Variants in ACOT11 observed in about 807,000 individuals in gnomAD.
The protein encoded by ACOT11 is acyl-CoA thioesterase 11.
In ACOT11, 69 loss-of-function variants were observed where a neutral mutation model predicts 77.5. The ratio of observed to expected loss-of-function variants is 0.89; its 90% CI spans 0.73 to 1.09. The LOEUF (loss-of-function observed/expected upper bound fraction) is 1.09, where lower values mean the gene tolerates loss of function less well. Among genes scored for constraint, ACOT11 ranks in the 50% least tolerant of loss-of-function variants. The probability of loss-of-function intolerance (pLI) is 0.00; values close to 1 mark genes in which losing one functional copy is unlikely to be tolerated. For synonymous variants in ACOT11, 279 were observed against 313.0 expected (o/e 0.89, Z 1.15); for missense variants, 766 against 813.7 (o/e 0.94, Z 0.71).
intron 16 of ACOT11, among the ~76,000 whole-genome samples, chr1:54,633,818 A>T (rs1557679886): frequency 6.6e-6 from 1 of 152,234 alleles, no homozygotes; most frequent in African/African-American, 2.4e-5. Flanking sequence ...TCCTAGTCTC[A>T]CTAGCCCTCG....
Position 54,619,933 on chromosome 1 carries a change from G to A in ACOT11, c.1630-10801G>A, listed in dbSNP as rs143150804. On this transcript the variant is annotated intron_variant, in intron 15 of 16. Coordinates refer to the ACOT11 transcript ENST00000371316. ...TACCAGGTGACCTCCAAGGCATCTC[G>A]CCGGCTGATCTGGCCCAGGCTCAGC... is the stretch of plus-strand genomic sequence containing the variant. 46 of 1,613,998 alleles carry A rather than the reference G, an allele frequency of 2.9e-5. No individual in the cohort carries two copies. In the East Asian group the frequency reaches 2.9e-4, roughly 10 times the overall value.
chr1:54,597,487 A>C (rs1643902630), intron 7 of ACOT11, 72 bp downstream of exon 7: 1 of 1,494,890 alleles, frequency 6.7e-7, no homozygotes, highest in Non-Finnish European at 8.9e-7. Context: ...CTCCCTCTGG[A>C]GGGGAAACCC....
chr1:54,625,637 A>G (rs1644267232), intron 15 of ACOT11, among the ~76,000 whole-genome samples: 1 of 152,186 alleles, frequency 6.6e-6, no homozygotes, highest in Non-Finnish European at 1.5e-5. Context: ...TTGGCCATAA[A>G]AAAGAAAAGA....
chr1:54,638,931 T>A (rs528182713), exon 17 of ACOT11: 1 of 152,254 alleles, frequency 6.6e-6, no homozygotes, highest in East Asian at 1.9e-4. Context: ...TGGTGCATGC[T>A]TGTAATTTTA....
chr1:54,565,104 C>T (rs1290696202), intron 1 of ACOT11, among the ~76,000 whole-genome samples: 3 of 152,252 alleles, frequency 2.0e-5, no homozygotes, highest in African/African-American at 7.2e-5. Flanking sequence ...TTTACTTGGT[C>T]CCCACCCTCC....
In ACOT11 at chr1:54,607,435, G is replaced by GCT. The variant is rs1644040854; in HGVS notation, c.1502+170_1502+171insCT. Among the ~76,000 whole-genome samples, 1 of 152,082 alleles carries GCT rather than the reference G, an allele frequency of 6.6e-6. No individual in the cohort carries two copies. The highest frequency in any genetic ancestry group is 2.4e-5 in the African/African-American group (1 of 41,382). On this transcript the variant is annotated intron_variant, in intron 14 of 15. Coordinates refer to ENST00000343744, the MANE Select transcript of ACOT11 (RefSeq NM_147161.4). The surrounding 1 kb of genome is among the most constrained non-coding windows in gnomAD (Gnocchi z 4.5). ...TCTGGGCTGCTGTGGCTTTACTATG[G>GCT]GTAAAATGAGGGATAGGGGCACACA... is the stretch of plus-strand genomic sequence containing the variant.
At chr1:54,619,783 C>G in intron 15 of ACOT11, 2 of 1,433,770 alleles carry the variant, frequency 1.4e-6, no homozygotes, top group South Asian at 1.2e-5. Context: ...CCACAGTGAC[C>G]AGTGTCTGAT....
intron 12 of ACOT11, 85 bp downstream of exon 12, chr1:54,604,514 C>G (rs1312190258): frequency 1.6e-6 from 2 of 1,236,100 alleles, no homozygotes; most frequent in East Asian, 2.4e-5. Flanking sequence ...TCCCACACCA[C>G]TTATGTCAAA....
chr1:54,560,974 C>T (rs971072669), intron 1 of ACOT11, among the ~76,000 whole-genome samples: 1 of 151,952 alleles, frequency 6.6e-6, no homozygotes, highest in Non-Finnish European at 1.5e-5. Flanking sequence ...CTGCCCACCT[C>T]GGCCTCCCAA....
In ACOT11 at chr1:54,594,697, C is replaced by T. The variant is rs1654834607; in HGVS notation, c.607+6C>T. On this transcript the variant is annotated splice_donor_region_variant and intron_variant, in intron 6 of 15. Transcript: ENST00000343744. ...CAACTGCGCCATTCAGGGCGGTGAGCAGCTGCCAGCTGTGCATGGGGAGGG... is the reference window on the plus strand; with the variant it reads ...CAACTGCGCCATTCAGGGCGGTGAGTAGCTGCCAGCTGTGCATGGGGAGGG... The T allele has an allele frequency of 1.9e-6, 3 of 1,605,028 alleles. No homozygotes were observed. The highest frequency in any genetic ancestry group is 2.6e-6 in the Non-Finnish European group (3 of 1,173,876).
At chr1:54,598,468 G>A (rs1361707485) in intron 7 of ACOT11, 2 of 152,296 alleles carry the variant, frequency 1.3e-5, no homozygotes, top group Non-Finnish European at 2.9e-5. Context: ...CTGTGCCTCT[G>A]GGCAGAACTG....
At chr1:54,623,642 T>A (rs1479748941) in intron 15 of ACOT11, 11 of 443,706 alleles carry the variant, frequency 2.5e-5, no homozygotes, top group Non-Finnish European at 4.4e-5. Context: ...ATATCTACCA[T>A]ATCTAAAATG....
chr1:54,566,914 C>T (rs1433363136), intron 1 of ACOT11, among the ~76,000 whole-genome samples: 3 of 152,158 alleles, frequency 2.0e-5, no homozygotes, highest in Admixed American at 6.5e-5. Context: ...ATGATCTAGT[C>T]TCAGAGTCAC....
chr1:54,625,633 A>G lies in ACOT11; in HGVS notation c.1630-5101A>G, dbSNP rs796131686. On this transcript the variant is annotated intron_variant, in intron 15 of 16. Transcript: ENST00000371316. ...GGAAATTTCTGTTTAAGAGTTGGCCATAAAAAAGAAAAGAAAATGCTGAGC... is the reference window on the plus strand; with the variant it reads ...GGAAATTTCTGTTTAAGAGTTGGCCGTAAAAAAGAAAAGAAAATGCTGAGC... Among the ~76,000 whole-genome samples, 8 of 152,326 alleles carry G rather than the reference A, an allele frequency of 5.3e-5. No homozygotes were observed. In the East Asian group the frequency reaches 9.7e-4, roughly 18 times the overall value.
chr1:54,575,741 T>C (rs555009), intron 1 of ACOT11, among the ~76,000 whole-genome samples: 18,152 of 152,116 alleles, frequency 0.12, 2,592 homozygotes, highest in African/African-American at 0.34. Context: ...ACTGCAGAAG[T>C]GAGGTACACG....
intron 10 of ACOT11, among the ~76,000 whole-genome samples, chr1:54,603,017 A>G (rs748025395): frequency 6.6e-6 from 1 of 152,210 alleles, no homozygotes; most frequent in Admixed American, 6.5e-5. Flanking sequence ...TGTTCTTGCC[A>G]TTGATTCTGA....
At chr1:54,592,026 C>T (rs893636461) in intron 3 of ACOT11, among the ~76,000 whole-genome samples, 49 of 148,374 alleles carry the variant, frequency 3.3e-4, no homozygotes, top group African/African-American at 1.2e-3. Context: ...TTAATTCAGT[C>T]AGCTACCCTT....
Position 54,623,540 on chromosome 1 carries a change from T to G in ACOT11, c.1630-7194T>G, listed in dbSNP as rs539270448. The G allele has an allele frequency of 1.0e-5, 7 of 674,954 alleles. No homozygotes were observed. The African/African-American group carries it at 1.2e-4, about 12-fold the overall frequency. 41.8% of individuals were successfully genotyped at this position (674,954 alleles called of 1,614,324 possible). A position where few individuals can be genotyped will look rare whatever the true frequency, so the allele number is the denominator to read the frequency against. ...TGGTCTGCTCTGCAGCCCTGTAATA[T>G]CCCCTCTGGAGATAACCCCTGAAGC... is the stretch of plus-strand genomic sequence containing the variant. On this transcript the variant is annotated intron_variant, in intron 15 of 16. Coordinates refer to the ACOT11 transcript ENST00000371316.
Position 54,607,866 on chromosome 1 carries a change from C to G in ACOT11, c.1503-76C>G. On this transcript the variant is annotated intron_variant, in intron 14 of 15. Coordinates refer to ENST00000343744, the MANE Select transcript of ACOT11 (RefSeq NM_147161.4). The surrounding 1 kb of genome is among the most constrained non-coding windows in gnomAD (Gnocchi z 4.5). ...TGTGCTAGAGGGGGCAGGGTCTCGG[C>G]CTTGGTTGGGCAGAACAGGCCCCCA... 2 of 1,584,204 alleles carry G rather than the reference C, an allele frequency of 1.3e-6. No homozygotes were observed. Among genetic ancestry groups the G allele is most frequent in the Non-Finnish European group, 1.7e-6 (2 of 1,160,620 alleles).
Sources: gnomAD v4.1 joint callset for allele counts (sites outside exome capture counted in the v4.1 genomes callset) on GRCh38, gnomAD v4.1.1 for gene constraint, Gnocchi (gnomAD v3.1) non-coding constraint, MANE v1.5 for transcripts, NCBI Gene and HGNC (gene_info 2026-07-23, HGNC 2026-07-21) for gene names.